CBY1: variants seen among roughly 807,000 people sequenced by gnomAD.
CBY1 encodes chibby 1, beta catenin antagonist, also known as protein chibby homolog 1.
CBY1 carries 10 observed loss-of-function variants against 15.6 expected under a neutral mutation model. That is an observed-to-expected ratio of 0.64 (90% CI 0.40 to 1.09). The LOEUF (loss-of-function observed/expected upper bound fraction) is 1.09, where lower values mean the gene tolerates loss of function less well. Ranked by LOEUF, CBY1 falls within the 50% of genes least tolerant of loss-of-function variation. CBY1 has a pLI of 0.01. For missense variants in CBY1, 150 were observed against 160.5 expected (o/e 0.93, Z 0.35); for synonymous variants, 61 against 63.5 (o/e 0.96, Z 0.19).
intron 1 of CBY1, among the ~76,000 whole-genome samples, chr22:38,660,189 G>T (rs558939702): frequency 7.9e-5 from 12 of 151,924 alleles, no homozygotes; most frequent in African/African-American, 2.9e-4. Flanking sequence ...GAGTGAAAAT[G>T]CATTTTTTTA....
chr22:38,669,212 A>T (rs1211077546), intron 2 of CBY1, among the ~76,000 whole-genome samples: 1 of 152,068 alleles, frequency 6.6e-6, no homozygotes, highest in Non-Finnish European at 1.5e-5. Context: ...ATTACAGGAT[A>T]ACCACCCAGA....
At chr22:38,659,167 G>A (rs564915121) in intron 1 of CBY1, among the ~76,000 whole-genome samples, 88 of 151,152 alleles carry the variant, frequency 5.8e-4, no homozygotes, top group African/African-American at 2.1e-3. Flanking sequence ...AACTCCTGGC[G>A]TCAAGTGATC....
intron 2 of CBY1, chr22:38,670,618 A>C (rs1387534183): frequency 2.7e-6 from 1 of 364,520 alleles, no homozygotes; most frequent in African/African-American, 2.1e-5. Flanking sequence ...TTAAGTGTCA[A>C]GTAGGTATAA....
intron 1 of CBY1, among the ~76,000 whole-genome samples, chr22:38,659,495 C>T (rs992473607): frequency 6.6e-6 from 1 of 152,144 alleles, no homozygotes; most frequent in South Asian, 2.1e-4. Context: ...AGTGATCCAC[C>T]TGCCTCAGCC....
chr22:38,659,545 C>T (rs941181001), intron 1 of CBY1, among the ~76,000 whole-genome samples: 10 of 152,210 alleles, frequency 6.6e-5, no homozygotes, highest in South Asian at 2.1e-4. Context: ...CCACCGTGCC[C>T]GGCTTAGGCC....
chr22:38,659,936 T>C (rs962465279), intron 1 of CBY1, among the ~76,000 whole-genome samples: 1 of 152,038 alleles, frequency 6.6e-6, no homozygotes, highest in Non-Finnish European at 1.5e-5. Flanking sequence ...TGTTTCTTAT[T>C]TTTTACTGTT....
At chr22:38,670,000 G>T (rs1183183797) in intron 2 of CBY1, 1 of 152,224 alleles carries the variant, frequency 6.6e-6, no homozygotes, top group Non-Finnish European at 1.5e-5. Context: ...GGAGGCTGAG[G>T]TGGGCGGATC....
At chr22:38,665,662 A>G in intron 1 of CBY1, 1 of 1,127,146 alleles carries the variant, frequency 8.9e-7, no homozygotes, top group Non-Finnish European at 1.1e-6. Flanking sequence ...TCACTGTGCA[A>G]TTCTGTGCAT....
intron 3 of CBY1, 35 bp downstream of exon 3, chr22:38,671,024 A>G (rs2092450901): frequency 6.2e-7 from 1 of 1,612,378 alleles, no homozygotes; most frequent in South Asian, 1.1e-5. Context: ...GTCAAACAAG[A>G]TTGTAGGAGG....
At chr22:38,661,838 C>T (rs745800065) in intron 1 of CBY1, among the ~76,000 whole-genome samples, 2 of 152,244 alleles carry the variant, frequency 1.3e-5, no homozygotes, top group South Asian at 4.1e-4. Flanking sequence ...CCAGTTAACC[C>T]GTTACTGCTT....
intron 4 of CBY1, among the ~76,000 whole-genome samples, chr22:38,672,410 C>T (rs1448075760): frequency 2.6e-5 from 4 of 151,926 alleles, no homozygotes; most frequent in African/African-American, 4.8e-5. Context: ...CCCACTGCAA[C>T]CTCTGCCTCC....
chr22:38,670,887 G>C lies in CBY1; in HGVS notation c.82G>C (p.Asp28His), dbSNP rs1322288617. ...SASLSNLHSL[D>H]RSTREVELGL... The stretch of plus-strand genomic sequence containing the variant: ...TCACATAGCATCTCGCCCACAGTTG[G>C]ATCGATCAACCCGGGAGGTGGAGCT... The change falls in exon 3 of 5, where the codon GAT becomes CAT. Residue 28 changes from aspartate to histidine, a missense_variant. Asp to His is a moderately conservative substitution (Grantham distance 81). Transcript: ENST00000216029. 1.2e-6 allele frequency: 2 copies of C among 1,613,244 alleles called. No individual in the cohort carries two copies. Among genetic ancestry groups the C allele is most frequent in the African/African-American group, 1.3e-5 (1 of 74,908 alleles).
In CBY1 at chr22:38,671,165, A is replaced by G; in HGVS notation, c.280A>G (p.Lys94Glu). The G allele has an allele frequency of 6.2e-7, 1 of 1,613,768 alleles. No individual in the cohort carries two copies. Among genetic ancestry groups the G allele is most frequent in the East Asian group, 2.2e-5 (1 of 44,886 alleles). Residue 94 changes from lysine to glutamate, a missense_variant, in exon 4 of 5, where the codon AAA (lysine) becomes GAA (glutamate). Transcript: ENST00000216029. ...LEEENNLLRL[K>E]VDILLDMLSE... ...GGAAGAGAACAATCTCTTGCGGCTG[A>G]AAGTGGACATCTTATTAGACATGGT... is the stretch of plus-strand genomic sequence containing the variant.
intron 1 of CBY1, among the ~76,000 whole-genome samples, chr22:38,659,095 T>C (rs993617854): frequency 3.3e-5 from 5 of 151,846 alleles, no homozygotes; most frequent in Non-Finnish European, 2.9e-5. Context: ...GCCAACATAC[T>C]GGGCTAATTT....
Position 38,673,636 on chromosome 22 carries a change from A to G in CBY1, c.*400A>G, listed in dbSNP as rs759732340. 5.0e-4 allele frequency: 101 copies of G among 201,882 alleles called. No individual in the cohort carries two copies. Among genetic ancestry groups the G allele is most frequent in the Non-Finnish European group, 9.8e-4 (94 of 95,600 alleles). 12.5% of individuals were successfully genotyped at this position (201,882 alleles called of 1,614,324 possible). ...GTGTTTGGCGTGTGACAGCAGTTCT[A>G]CAGAGCTCTGTGTTGGGGTCATGGA... On this transcript the variant is annotated 3_prime_UTR_variant, in exon 5 of 5. Transcript: ENST00000216029.
In CBY1 at chr22:38,669,504, G is replaced by A. The variant is rs138761053; in HGVS notation, c.78+1372G>A. Among the ~76,000 whole-genome samples, 793 of 152,252 alleles carry A rather than the reference G, an allele frequency of 5.2e-3. 2 individuals carry two copies. Among genetic ancestry groups the A allele is most frequent in the Admixed American group, 8.4e-3 (128 of 15,288 alleles). On this transcript the variant is annotated intron_variant, in intron 2 of 4. Transcript: ENST00000216029. Reference sequence around the variant, plus strand: ...AAACATCAAATCCCTGCTTTCATGGGGCAGATACTTTAACGGAAGGCTACA... The same window carrying A: ...AAACATCAAATCCCTGCTTTCATGGAGCAGATACTTTAACGGAAGGCTACA...
intron 1 of CBY1, among the ~76,000 whole-genome samples, chr22:38,658,712 G>A (rs2092412999): frequency 6.6e-6 from 1 of 151,866 alleles, no homozygotes; most frequent in African/African-American, 2.4e-5. Context: ...TCCTGACCTC[G>A]TGATCCGCCC....
intron 1 of CBY1, among the ~76,000 whole-genome samples, chr22:38,662,507 G>A (rs991071566): frequency 2.0e-5 from 3 of 150,412 alleles, no homozygotes; most frequent in Non-Finnish European, 3.0e-5. Context: ...TTTGGGGGGC[G>A]GGGGACAGGA....
chr22:38,666,235 T>TA (rs1569255023), intron 1 of CBY1, among the ~76,000 whole-genome samples: 64 of 121,164 alleles, frequency 5.3e-4, no homozygotes, highest in African/African-American at 1.6e-3. Context: ...ATATATATAT[T>TA]TTTTTTTCTT....
Sources: allele counts gnomAD v4.1 joint callset (sites outside exome capture counted in the v4.1 genomes callset), GRCh38; gene constraint gnomAD v4.1.1; transcripts MANE v1.5; gene names NCBI Gene and HGNC (gene_info 2026-07-23, HGNC 2026-07-21).